KISS1: variants seen among roughly 807,000 people sequenced by gnomAD.
KISS1 encodes the protein KiSS-1 metastasis suppressor.
For synonymous variants in KISS1, 97 were observed against 88.7 expected (o/e 1.09, Z -0.52); for missense variants, 182 against 182.7 (o/e 1.00, Z 0.02).
chr1:204,190,409 T>TTGG lies in KISS1; in HGVS notation c.*74_*75insCCA. 8.8e-6 allele frequency: 5 copies of TTGG among 570,138 alleles called. No homozygotes were observed. The highest frequency in any genetic ancestry group is 2.5e-5 in the Admixed American group (1 of 40,486). The allele number at this position is 570,138 out of a possible 1,614,324, so 35.3% of individuals were successfully genotyped here. A position where few individuals can be genotyped will look rare whatever the true frequency, so the allele number is the denominator to read the frequency against. ...CAGCGCCCCCTCCCTTAGCCCTACG[T>TTGG]CCCCGCCCCCCGCCCCCGCCCCGCA... On this transcript the variant is annotated 3_prime_UTR_variant, in exon 3 of 3. Transcript: ENST00000367194.
At position 204,190,371 on chromosome 1, in the gene KISS1, G is replaced by A. The variant is rs1558252912; in HGVS notation, c.*113C>T. The stretch of plus-strand genomic sequence containing the variant: ...TACGCAACATTTCTTTTATTGCCTC[G>A]GGTTGGAAGCTCCAGCGCCCCCTCC... On this transcript the variant is annotated 3_prime_UTR_variant, in exon 3 of 3. Coordinates refer to ENST00000367194, the MANE Select transcript of KISS1 (RefSeq NM_002256.4). The A allele has an allele frequency of 1.8e-6, 2 of 1,097,590 alleles. No individual in the cohort carries two copies. Among genetic ancestry groups the A allele is most frequent in the Admixed American group, 4.0e-5 (2 of 50,238 alleles). 68.0% of individuals were successfully genotyped at this position (1,097,590 alleles called of 1,614,324 possible). A position where few individuals can be genotyped will look rare whatever the true frequency, so the allele number is the denominator to read the frequency against.
chr1:204,190,409 T>TCCCCCCCCCCCCCCCCCCC lies in KISS1; in HGVS notation c.*74_*75insGGGGGGGGGGGGGGGGGGG, dbSNP rs1553307861. 82 of 573,016 alleles carry TCCCCCCCCCCCCCCCCCCC rather than the reference T, an allele frequency of 1.4e-4. No homozygotes were observed. The highest frequency in any genetic ancestry group is 2.9e-4 in the Admixed American group (12 of 40,786). 35.5% of individuals were successfully genotyped at this position (573,016 alleles called of 1,614,324 possible). ...CAGCGCCCCCTCCCTTAGCCCTACG[T>TCCCCCCCCCCCCCCCCCCC]CCCCGCCCCCCGCCCCCGCCCCGCA... On this transcript the variant is annotated 3_prime_UTR_variant, in exon 3 of 3. Transcript: ENST00000367194.
chr1:204,195,886 G>A (rs1658850304), intron 1 of KISS1, among the ~76,000 whole-genome samples: 3 of 152,148 alleles, frequency 2.0e-5, no homozygotes, highest in Admixed American at 2.0e-4. Context: ...TTTGTATCCA[G>A]TGAGTGACAG....
intron 1 of KISS1, among the ~76,000 whole-genome samples, chr1:204,195,261 TAC>T (rs1429511586): frequency 0.061 from 116 of 1,894 alleles, no homozygotes; most frequent in Non-Finnish European, 0.086. Context: ...ACACACATCA[TAC>T]ACACACACAT....
At chr1:204,195,281 ACACAC>A (rs1558254737) in intron 1 of KISS1, among the ~76,000 whole-genome samples, 6 of 149,508 alleles carry the variant, frequency 4.0e-5, no homozygotes, top group South Asian at 2.1e-4. Flanking sequence ...CATACACCAC[ACACAC>A]CACACACATA....
intron 1 of KISS1, among the ~76,000 whole-genome samples, chr1:204,195,416 C>CG (rs1658837589): frequency 3.7e-5 from 5 of 136,064 alleles, no homozygotes; most frequent in Admixed American, 1.5e-4. Flanking sequence ...CGCACACACA[C>CG]CACACACACA....
rs776298221 is a variant in KISS1, at chr1:204,190,631, G to A, written c.270C>T (p.His90=). ...CCTGGGGTGCGGGGATCTGGCGGCTGTGGGGGGCGGACAGGCCCGGCTGCT... is the reference window on the plus strand; with the variant it reads ...CCTGGGGTGCGGGGATCTGGCGGCTATGGGGGGCGGACAGGCCCGGCTGCT... ...SPQQPGLSAP[H]SRQIPAPQGA... The change falls in exon 3 of 3, where the codon CAC becomes CAT. Residue 90 remains histidine, a synonymous_variant. Coordinates refer to ENST00000367194, the MANE Select transcript of KISS1 (RefSeq NM_002256.4). 3.5e-5 allele frequency: 55 copies of A among 1,584,652 alleles called. No individual in the cohort carries two copies. The highest frequency in any genetic ancestry group is 1.7e-4 in the Middle Eastern group (1 of 5,988).
intron 2 of KISS1, among the ~76,000 whole-genome samples, chr1:204,191,761 G>T (rs776211593): frequency 1.3e-5 from 2 of 152,216 alleles, no homozygotes; most frequent in Non-Finnish European, 2.9e-5. Flanking sequence ...CTCAGCCCTT[G>T]CCCAGGGCCT....
In KISS1 at chr1:204,192,789, TC is replaced by T; in HGVS notation, c.87del (p.Asn30IlefsTer9). Reference sequence around the variant, plus strand: ...GGATACATACCTGTGGGTCTAGAATTCCCCACAGAGGCCACCTTTTCTAATG... The same window carrying T: ...GGATACATACCTGTGGGTCTAGAATTCCCACAGAGGCCACCTTTTCTAATG... ...GEPLEKVASV[G>X]NSRPTGQQLE... On this transcript the variant is annotated frameshift_variant, in exon 2 of 3. Transcript: ENST00000367194. LOFTEE classifies it low-confidence loss of function (END_TRUNC). This position sits in a 1 kb window ranked among gnomAD's most constrained non-coding sequence, Gnocchi z 4.2. 1 of 1,594,390 alleles carries T rather than the reference TC, an allele frequency of 6.3e-7. No homozygotes were observed. Among genetic ancestry groups the T allele is most frequent in the Non-Finnish European group, 8.6e-7 (1 of 1,167,572 alleles).
chr1:204,190,634 G>C lies in KISS1; in HGVS notation c.267C>G (p.Pro89=), dbSNP rs762880182. The C allele has an allele frequency of 1.9e-6, 3 of 1,584,956 alleles. No homozygotes were observed. Among genetic ancestry groups the C allele is most frequent in the East Asian group, 2.3e-5 (1 of 43,538 alleles). The change falls in exon 3 of 3, where the codon CCC becomes CCG. Residue 89 remains proline (P), a synonymous_variant. Transcript: ENST00000367194. ...GGGGTGCGGGGATCTGGCGGCTGTGGGGGGCGGACAGGCCCGGCTGCTGGG... is the reference window on the plus strand; with the variant it reads ...GGGGTGCGGGGATCTGGCGGCTGTGCGGGGCGGACAGGCCCGGCTGCTGGG... The part of the protein sequence containing the change: ...GSPQQPGLSA[P]HSRQIPAPQG...
chr1:204,190,419 C>CCCCCCCCCCCCCCCCCCT lies in KISS1; in HGVS notation c.*64_*65insAGGGGGGGGGGGGGGGGG. ...TCCCTTAGCCCTACGTCCCCGCCCC[C>CCCCCCCCCCCCCCCCCCT]CGCCCCCGCCCCGCATGCTCTGACT... is the stretch of plus-strand genomic sequence containing the variant. On this transcript the variant is annotated 3_prime_UTR_variant, in exon 3 of 3. Transcript: ENST00000367194. 1.4e-6 allele frequency: 1 copy of CCCCCCCCCCCCCCCCCCT among 721,996 alleles called. No homozygotes were observed. Among genetic ancestry groups the CCCCCCCCCCCCCCCCCCT allele is most frequent in the Non-Finnish European group, 2.4e-6 (1 of 424,310 alleles). 44.7% of individuals were successfully genotyped at this position (721,996 alleles called of 1,614,324 possible).
In KISS1 at chr1:204,192,845, AG is replaced by A; in HGVS notation, c.31del (p.Leu11PhefsTer12). 1 of 1,596,576 alleles carries A rather than the reference AG, an allele frequency of 6.3e-7. No homozygotes were observed. The highest frequency in any genetic ancestry group is 8.5e-7 in the Non-Finnish European group (1 of 1,169,726). On this transcript the variant is annotated frameshift_variant, in exon 2 of 3. Transcript: ENST00000367194. LOFTEE classifies it high-confidence loss of function. The surrounding 1 kb of genome is among the most constrained non-coding windows in gnomAD (Gnocchi z 4.2). MNSLVSWQLL[L>X]FLCATHFGEP... ...CCCAAAGTGGGTGGCACAGAGGAAAAGCAGTAGCTGCCAAGAAACCAGTGAG... is the reference window on the plus strand; with the variant it reads ...CCCAAAGTGGGTGGCACAGAGGAAAACAGTAGCTGCCAAGAAACCAGTGAG...
In KISS1 at chr1:204,190,430, C is replaced by CCCCCA; in HGVS notation, c.*53_*54insTGGGG. ...TACGTCCCCGCCCCCCGCCCCCGCC[C>CCCCCA]CGCATGCTCTGACTCCTTTGGGGTC... On this transcript the variant is annotated 3_prime_UTR_variant, in exon 3 of 3. Transcript: ENST00000367194. 9.3e-7 allele frequency: 1 copy of CCCCCA among 1,079,960 alleles called. No individual in the cohort carries two copies. Among genetic ancestry groups the CCCCCA allele is most frequent in the Non-Finnish European group, 1.4e-6 (1 of 735,304 alleles). 66.9% of individuals were successfully genotyped at this position (1,079,960 alleles called of 1,614,324 possible). A position where few individuals can be genotyped will look rare whatever the true frequency, so the allele number is the denominator to read the frequency against.
chr1:204,195,195 C>A (rs60379357), intron 1 of KISS1, among the ~76,000 whole-genome samples: 5 of 145,506 alleles, frequency 3.4e-5, no homozygotes, highest in Non-Finnish European at 5.9e-5. Flanking sequence ...TGCACACACA[C>A]ACCACACACA....
At chr1:204,195,358 TATACACACATACACCTATAC>T in intron 1 of KISS1, among the ~76,000 whole-genome samples, 1 of 94,210 alleles carries the variant, frequency 1.1e-5, no homozygotes, top group Non-Finnish European at 2.0e-5. Context: ...ACCACACACA[TATACACACATACACCTATAC>T]ACACACATCA....
At chr1:204,195,298 ACCCATACACACACATACACATATG>A in intron 1 of KISS1, among the ~76,000 whole-genome samples, 2 of 32,946 alleles carry the variant, frequency 6.1e-5, no homozygotes, top group African/African-American at 1.1e-4. Context: ...ACACACATAC[ACCCATACACACACATACACATATG>A]CCACACACAC....
intron 1 of KISS1, among the ~76,000 whole-genome samples, chr1:204,195,213 GCACACACCCATACACATATA>G (rs1658818791): frequency 7.4e-4 from 1 of 1,346 alleles, no homozygotes; most frequent in Non-Finnish European, 1.5e-3. Flanking sequence ...ACATATATAC[GCACACACCCATACACATATA>G]CACGCATACA....
chr1:204,195,665 A>G (rs1658844431), intron 1 of KISS1, among the ~76,000 whole-genome samples: 1 of 126,324 alleles, frequency 7.9e-6, no homozygotes, highest in Non-Finnish European at 1.7e-5. Flanking sequence ...TACACCACAC[A>G]TGCGCACACA....
chr1:204,191,637 A>T (rs1175433440), intron 2 of KISS1, among the ~76,000 whole-genome samples: 1 of 152,224 alleles, frequency 6.6e-6, no homozygotes, highest in Non-Finnish European at 1.5e-5. Flanking sequence ...GGGTGTGAAT[A>T]GATGTGCTGG....
Sources: gnomAD v4.1 joint callset for allele counts (sites outside exome capture counted in the v4.1 genomes callset) on GRCh38, gnomAD v4.1.1 for gene constraint, Gnocchi (gnomAD v3.1) non-coding constraint, MANE v1.5 for transcripts, NCBI Gene and HGNC (gene_info 2026-07-23, HGNC 2026-07-21) for gene names.